NET1: variants seen among roughly 807,000 people sequenced by gnomAD.
NET1 encodes neuroepithelial cell transforming 1, also known as neuroepithelial cell-transforming gene 1 protein.
Under a neutral mutation model 61.1 loss-of-function variants are expected in NET1, and 42 were observed. The ratio of observed to expected loss-of-function variants is 0.69; its 90% CI spans 0.54 to 0.89. The LOEUF is 0.89. Among genes scored for constraint, NET1 ranks in the 40% least tolerant of loss-of-function variants. NET1 has a pLI of 0.00. For missense variants in NET1, 654 were observed against 747.3 expected, an observed-to-expected ratio of 0.88 and a Z score of 1.46; for synonymous variants, 254 against 281.8, an observed-to-expected ratio of 0.90 and a Z score of 0.99.
At chr10:5,436,753 A>C (rs574579010) in intron 3 of NET1, among the ~76,000 whole-genome samples, 1 of 152,194 alleles carries the variant, frequency 6.6e-6, no homozygotes, top group Non-Finnish European at 1.5e-5. Context: ...TAATTTGATC[A>C]TGTTGCAAAG....
In NET1 at chr10:5,459,039, G is replaced by T. The variant is rs1832857034; in HGVS notation, c.*2045G>T. Among the ~76,000 whole-genome samples, 1 of 152,070 alleles carries T rather than the reference G, an allele frequency of 6.6e-6. No individual in the cohort carries two copies. Among genetic ancestry groups the T allele is most frequent in the Non-Finnish European group, 1.5e-5 (1 of 68,014 alleles). ...CAGAATCTGAGTAAATCTATTAAAT[G>T]AATGTTCTTCAGAAATAGCACCTGT... On this transcript the variant is annotated 3_prime_UTR_variant, in exon 12 of 12. Coordinates refer to ENST00000355029, the MANE Select transcript of NET1 (RefSeq NM_001047160.3).
rs1454151007 is a variant in NET1 at position 5,454,400 on chromosome 10, C to G, written c.904C>G (p.Leu302Val). 5 of 1,614,084 alleles carry G rather than the reference C, an allele frequency of 3.1e-6. No homozygotes were observed. The highest frequency in any genetic ancestry group is 4.2e-6 in the Non-Finnish European group (5 of 1,180,038). The change falls in exon 9 of 12, where the codon CTA (leucine) becomes GTA (valine). Residue 302 changes from leucine (L) to valine (V), a missense_variant. Physicochemically the swap from Leu to Val is conservative, Grantham distance 32 (BLOSUM62 1). Coordinates refer to ENST00000355029, the MANE Select transcript of NET1 (RefSeq NM_001047160.3). The surrounding 1 kb of genome is among the most constrained non-coding windows in gnomAD (Gnocchi z 8.1). The part of the protein sequence containing the change: ...RCLESPFSRK[L>V]DLWSFLDIPR... ...TCTCGAGTCTCCCTTCAGTCGAAAA[C>G]TAGATCTTTGGAGTTTCCTAGATAT...
Position 5,451,888 on chromosome 10 carries a change from T to C in NET1, c.314T>C (p.Ile105Thr). The change falls in exon 4 of 12, where the codon ATC becomes ACC. Residue 105 changes from isoleucine to threonine, a missense_variant. Physicochemically the swap from Ile to Thr is moderately conservative, Grantham distance 89. Transcript: ENST00000355029. This position sits in a 1 kb window ranked among gnomAD's most constrained non-coding sequence, Gnocchi z 6.1. ...CGTGTCACGTCCTTGGCAAATTTAA[T>C]CTCTCCTGTAAGAAATGGAGCTGTC... is the stretch of plus-strand genomic sequence containing the variant. ...LARVTSLANL[I>T]SPVRNGAVRR... is the part of the protein sequence containing the mutation. 6.2e-7 allele frequency: 1 copy of C among 1,613,998 alleles called. No homozygotes were observed. Among genetic ancestry groups the C allele is most frequent in the Non-Finnish European group, 8.5e-7 (1 of 1,179,926 alleles).
At position 5,440,158 on chromosome 10, in the gene NET1, A is replaced by C. The variant is rs1832502038; in HGVS notation, c.255+10929A>C. On this transcript the variant is annotated intron_variant, in intron 3 of 11. Coordinates refer to ENST00000355029, the MANE Select transcript of NET1 (RefSeq NM_001047160.3). This position sits in a 1 kb window ranked among gnomAD's most constrained non-coding sequence, Gnocchi z 4.1. ...AGGTCTTTTTGGTATAATGTTATTAATACAGTGGGCCTGTATGATGTTCTG... is the reference window on the plus strand; with the variant it reads ...AGGTCTTTTTGGTATAATGTTATTACTACAGTGGGCCTGTATGATGTTCTG... 6.6e-6 allele frequency among the ~76,000 whole-genome samples: 1 copy of C among 152,198 alleles called. No homozygotes were observed. Among genetic ancestry groups the C allele is most frequent in the African/African-American group, 2.4e-5 (1 of 41,450 alleles).
rs777927954 is a variant in NET1 at position 5,455,113 on chromosome 10, G to A, written c.1192G>A (p.Gly398Arg). Residue 398 changes from glycine to arginine, a missense_variant, in exon 10 of 12, where the codon GGA (glycine) becomes AGA (arginine). Transcript: ENST00000355029. The surrounding 1 kb of genome is among the most constrained non-coding windows in gnomAD (Gnocchi z 6.5). ...CCATGGGGAGCTGCGGAGCAAGAGT[G>A]GACATGTAGGTGACTTTTGCTGCCG... ...LCHGELRSKS[G>R]HKLYIFLFQD... The A allele has an allele frequency of 6.2e-7, 1 of 1,613,056 alleles. No homozygotes were observed. Among genetic ancestry groups the A allele is most frequent in the South Asian group, 1.1e-5 (1 of 91,010 alleles).
intron 2 of NET1, among the ~76,000 whole-genome samples, 171 bp from the exon 3 acceptor site, chr10:5,428,999 G>C (rs548228668): frequency 6.6e-6 from 1 of 151,796 alleles, no homozygotes; most frequent in African/African-American, 2.4e-5. Flanking sequence ...CTCCTAAAGT[G>C]CTGAAATTAC....
At chr10:5,434,131 G>GT (rs1832388991) in intron 3 of NET1, among the ~76,000 whole-genome samples, 2 of 152,312 alleles carry the variant, frequency 1.3e-5, no homozygotes, top group African/African-American at 4.8e-5. Context: ...TTTCAGTGCA[G>GT]TAAGTTTCCT....
intron 3 of NET1, among the ~76,000 whole-genome samples, chr10:5,436,248 A>ATT (rs1190534260): frequency 2.7e-4 from 5 of 18,418 alleles, no homozygotes; most frequent in African/African-American, 4.4e-4. Context: ...ATATATATAT[A>ATT]TTTTTTTTTT....
rs1448940162 is a variant in NET1 at position 5,443,021 on chromosome 10, C to G, written c.256-8809C>G. On this transcript the variant is annotated intron_variant, in intron 3 of 11. Transcript: ENST00000355029. The surrounding 1 kb of genome is among the most constrained non-coding windows in gnomAD (Gnocchi z 4.8). ...CTCTCAACCGTTTTTATGGTTTCCT[C>G]CTCTATAAAAGTATTGGCAATTTAG... is the stretch of plus-strand genomic sequence containing the variant. Among the ~76,000 whole-genome samples, 2 of 152,204 alleles carry G rather than the reference C, an allele frequency of 1.3e-5. No homozygotes were observed. Among genetic ancestry groups the G allele is most frequent in the Non-Finnish European group, 2.9e-5 (2 of 68,040 alleles).
At position 5,441,218 on chromosome 10, in the gene NET1, C is replaced by T. The variant is rs576603493; in HGVS notation, c.256-10612C>T. 3.7e-4 allele frequency among the ~76,000 whole-genome samples: 56 copies of T among 152,372 alleles called. No individual in the cohort carries two copies. In the South Asian group the frequency reaches 0.011, roughly 30 times the overall value. ...TGTGCTCCGTTAGTCAACAAGTGGC[C>T]TTTCGGGTGTCCATCCCACACACCC... is the stretch of plus-strand genomic sequence containing the variant. On this transcript the variant is annotated intron_variant, in intron 3 of 11. Transcript: ENST00000355029. The surrounding 1 kb of genome is among the most constrained non-coding windows in gnomAD (Gnocchi z 4.6).
chr10:5,433,177 G>A (rs1302907777), intron 3 of NET1, among the ~76,000 whole-genome samples: 1 of 152,160 alleles, frequency 6.6e-6, no homozygotes. Context: ...TAACCATCAG[G>A]TAGTCTTAGT....
chr10:5,432,342 CAG>C (rs1364010708), intron 3 of NET1, among the ~76,000 whole-genome samples: 1 of 152,118 alleles, frequency 6.6e-6, no homozygotes, highest in Admixed American at 6.5e-5. Flanking sequence ...ACCAAAAGTC[CAG>C]AGACATTGAT....
intron 3 of NET1, among the ~76,000 whole-genome samples, chr10:5,436,248 A>ATATATTT (rs1564462826): frequency 6.0e-4 from 11 of 18,418 alleles, no homozygotes; most frequent in Non-Finnish European, 8.4e-4. Context: ...ATATATATAT[A>ATATATTT]TTTTTTTTTT....
intron 1 of NET1, among the ~76,000 whole-genome samples, chr10:5,425,051 C>G (rs925697120): frequency 1.2e-3 from 177 of 152,168 alleles, no homozygotes; most frequent in African/African-American, 4.1e-3. Context: ...ATGCTTTAGC[C>G]CGTCCTTATT....
chr10:5,431,298 TTATGATTGCA>T lies in NET1; in HGVS notation c.255+2071_255+2080del, dbSNP rs1832345519. Among the ~76,000 whole-genome samples, 1 of 152,254 alleles carries T rather than the reference TTATGATTGCA, an allele frequency of 6.6e-6. No homozygotes were observed. Among genetic ancestry groups the T allele is most frequent in the South Asian group, 2.1e-4 (1 of 4,830 alleles). ...ATAGATCTTTTTATAGCCTGAATAT[TTATGATTGCA>T]TCCCCATGGTATCATTGACTATGTT... On this transcript the variant is annotated intron_variant, in intron 3 of 11. Transcript: ENST00000355029. The surrounding 1 kb of genome is among the most constrained non-coding windows in gnomAD (Gnocchi z 4.9).
At chr10:5,413,392 G>C (rs1832033547) in intron 1 of NET1, among the ~76,000 whole-genome samples, 1 of 152,202 alleles carries the variant, frequency 6.6e-6, no homozygotes, top group Admixed American at 6.5e-5. Flanking sequence ...GCCTATTAGA[G>C]AGTTCATCAC....
In NET1 at chr10:5,439,292, C is replaced by G. The variant is rs1832487307; in HGVS notation, c.255+10063C>G. Among the ~76,000 whole-genome samples the G allele has an allele frequency of 6.6e-6, 1 of 152,192 alleles. No homozygotes were observed. The highest frequency in any genetic ancestry group is 1.5e-5 in the Non-Finnish European group (1 of 68,018). On this transcript the variant is annotated intron_variant, in intron 3 of 11. Transcript: ENST00000355029. The surrounding 1 kb of genome is among the most constrained non-coding windows in gnomAD (Gnocchi z 4.8). ...ATGCAGTGCAATAGTGGTCCATTTT[C>G]TGCTCATACCAACATATGAAGCTAA... is the stretch of plus-strand genomic sequence containing the variant.
chr10:5,415,866 G>T lies in NET1; in HGVS notation c.128+3046G>T, dbSNP rs1390940810. Among the ~76,000 whole-genome samples, 3 of 152,078 alleles carry T rather than the reference G, an allele frequency of 2.0e-5. No individual in the cohort carries two copies. The highest frequency in any genetic ancestry group is 4.4e-5 in the Non-Finnish European group (3 of 68,012). On this transcript the variant is annotated intron_variant, in intron 1 of 11. Transcript: ENST00000355029. The surrounding 1 kb of genome is among the most constrained non-coding windows in gnomAD (Gnocchi z 4.7). ...CTGTGGTTTGTCTTTTCACTTTCAT[G>T]ATGTGCTTCGAAGCACAAAAATGTT...
intron 1 of NET1, among the ~76,000 whole-genome samples, chr10:5,414,904 A>G (rs918483744): frequency 1.3e-5 from 2 of 152,184 alleles, no homozygotes; most frequent in Non-Finnish European, 1.5e-5. Context: ...CCAGGCCTCT[A>G]TTTTTTGTGT....
Sources: gnomAD v4.1 joint callset for allele counts (sites outside exome capture counted in the v4.1 genomes callset) on GRCh38, gnomAD v4.1.1 for gene constraint, Gnocchi (gnomAD v3.1) non-coding constraint, MANE v1.5 for transcripts, NCBI Gene and HGNC (gene_info 2026-07-23, HGNC 2026-07-21) for gene names.